Variants in PHF14 observed in about 807,000 individuals in gnomAD.
PHF14 encodes PHD finger protein 14.
Under a neutral mutation model 117.9 loss-of-function variants are expected in PHF14, and 55 were observed. The observed-to-expected ratio is 0.47, with a 90% confidence interval of 0.38 to 0.58. PHF14 has a LOEUF of 0.58. PHF14 is among the 20% of genes least tolerant of loss of function. The probability of loss-of-function intolerance (pLI) is 0.00; values close to 1 mark genes in which losing one functional copy is unlikely to be tolerated. For synonymous variants in PHF14, 409 were observed against 368.6 expected (o/e 1.11, Z -1.26); for missense variants, 978 against 1,122.2 (o/e 0.87, Z 1.84).
chr7:11,082,436 C>G (rs899064055), intron 16 of PHF14, among the ~76,000 whole-genome samples: 1 of 152,176 alleles, frequency 6.6e-6, no homozygotes, highest in African/African-American at 2.4e-5. Flanking sequence ...TTTGTCTATC[C>G]TAAATTAGCA....
intron 17 of PHF14, among the ~76,000 whole-genome samples, chr7:11,138,028 G>T (rs1750202220): frequency 1.4e-5 from 2 of 146,772 alleles, no homozygotes; most frequent in African/African-American, 5.1e-5. Flanking sequence ...TGAGGAAACA[G>T]GGAAAAATAC....
At chr7:11,107,989 AG>A (rs1236437014) in intron 16 of PHF14, 1 of 151,918 alleles carries the variant, frequency 6.6e-6, no homozygotes, top group East Asian at 1.9e-4. Flanking sequence ...AACATAGCTC[AG>A]GGTTTGTTGG....
chr7:11,073,819 A>G (rs1267519960), intron 16 of PHF14, among the ~76,000 whole-genome samples: 6 of 152,258 alleles, frequency 3.9e-5, no homozygotes, highest in East Asian at 1.9e-4. Context: ...TCACTCTCGC[A>G]TTCTGTGCAC....
chr7:11,078,798 A>G (rs577919196), intron 16 of PHF14, among the ~76,000 whole-genome samples: 22 of 152,262 alleles, frequency 1.4e-4, no homozygotes, highest in Middle Eastern at 3.4e-3. Context: ...ACTAATTGAG[A>G]TAAGTTTGTA....
At chr7:10,992,030 C>A in intron 4 of PHF14, among the ~76,000 whole-genome samples, 1 of 151,402 alleles carries the variant, frequency 6.6e-6, no homozygotes. Flanking sequence ...TATATTCTAT[C>A]AATTTTTTGT....
intron 7 of PHF14, among the ~76,000 whole-genome samples, chr7:11,033,787 T>A (rs1285582353): frequency 6.6e-6 from 1 of 152,200 alleles, no homozygotes; most frequent in Non-Finnish European, 1.5e-5. Flanking sequence ...ATCTGGGTAT[T>A]TGGGCTGAGG....
chr7:11,004,082 T>C lies in PHF14; in HGVS notation c.1046-9665T>C, dbSNP rs117665999. On this transcript the variant is annotated intron_variant, in intron 4 of 17. Coordinates refer to ENST00000634607, the MANE Select transcript of PHF14 (RefSeq NM_001007157.2). ...GGGCAATGTGGTGAAACCCTGTCTC[T>C]ACAAAATACAGAAAAATCAGCCAGG... Among the ~76,000 whole-genome samples the C allele has an allele frequency of 8.6e-4, 130 of 151,816 alleles. 3 individuals carry two copies. In the East Asian group the frequency reaches 0.024, roughly 28 times the overall value.
chr7:10,983,256 C>A lies in PHF14; in HGVS notation c.900+97C>A, dbSNP rs1782105035. 7.3e-6 allele frequency: 10 copies of A among 1,366,590 alleles called. No homozygotes were observed. The East Asian group carries it at 2.3e-4, about 32-fold the overall frequency. The allele number at this position is 1,366,590 out of a possible 1,614,324, so 84.7% of individuals were successfully genotyped here. A position where few individuals can be genotyped will look rare whatever the true frequency, so the allele number is the denominator to read the frequency against. On this transcript the variant is annotated intron_variant, in intron 3 of 17. Transcript: ENST00000634607. ...TGTATTAAGTGGCTTCCTTGAAATCCTATTTATAGACGGCTGTGGGATGAA... is the reference window on the plus strand; with the variant it reads ...TGTATTAAGTGGCTTCCTTGAAATCATATTTATAGACGGCTGTGGGATGAA...
chr7:10,985,638 GTTTTTTTTTTTTTTTTTTT>G (rs61250143), intron 3 of PHF14, among the ~76,000 whole-genome samples: 5 of 45,936 alleles, frequency 1.1e-4, no homozygotes, highest in East Asian at 7.6e-4. Context: ...TTCTCAAACT[GTTTTTTTTTTTTTTTTTTT>G]TTTTTTTTTT....
At chr7:11,111,323 C>A in intron 16 of PHF14, 27 bp from the exon 17 acceptor site, 1 of 1,075,618 alleles carries the variant, frequency 9.3e-7, no homozygotes, top group Non-Finnish European at 1.4e-6. Context: ...TTAGATACAC[C>A]TACCTATAAA....
intron 16 of PHF14, among the ~76,000 whole-genome samples, chr7:11,077,872 A>G (rs946617253): frequency 7.2e-5 from 11 of 152,192 alleles, no homozygotes; most frequent in Non-Finnish European, 1.2e-4. Flanking sequence ...GAATCTTCAT[A>G]AAATAAATGT....
At chr7:11,104,004 T>G in intron 16 of PHF14, 28 of 985,086 alleles carry the variant, frequency 2.8e-5, no homozygotes, top group Non-Finnish European at 3.4e-5. Context: ...GAACTCTGGC[T>G]GCTTTTAAGC....
intron 13 of PHF14, among the ~76,000 whole-genome samples, chr7:11,043,504 G>A (rs1026803345): frequency 1.3e-5 from 2 of 152,086 alleles, no homozygotes; most frequent in Admixed American, 6.6e-5. Context: ...TCCAGTTTTA[G>A]AAAAGAGTGA....
intron 4 of PHF14, among the ~76,000 whole-genome samples, chr7:10,995,567 T>G (rs1483815657): frequency 6.6e-6 from 1 of 152,052 alleles, no homozygotes; most frequent in Non-Finnish European, 1.5e-5. Flanking sequence ...CCTCAGCCCT[T>G]GGGTGGTCGA....
intron 17 of PHF14, among the ~76,000 whole-genome samples, chr7:11,133,782 A>G (rs936765388): frequency 2.0e-5 from 3 of 152,026 alleles, no homozygotes; most frequent in African/African-American, 7.2e-5. Context: ...TATTGCACAT[A>G]TTACATCATA....
At chr7:11,108,238 C>T (rs368038117) in intron 16 of PHF14, 2 of 151,610 alleles carry the variant, frequency 1.3e-5, no homozygotes, top group African/African-American at 4.8e-5. Context: ...AAGATAGAAA[C>T]AACAGATTTT....
intron 16 of PHF14, among the ~76,000 whole-genome samples, chr7:11,083,516 T>G (rs1281218323): frequency 2.8e-5 from 4 of 144,968 alleles, no homozygotes; most frequent in African/African-American, 1.0e-4. Flanking sequence ...TCGCCCAGGC[T>G]GCAGTGCAGT....
rs764221357 is a variant in PHF14 at position 10,982,469 on chromosome 7, G to A, written c.210G>A (p.Leu70=). The A allele has an allele frequency of 6.3e-7, 1 of 1,587,234 alleles. No individual in the cohort carries two copies. The highest frequency in any genetic ancestry group is 8.6e-7 in the Non-Finnish European group (1 of 1,159,404). The change falls in exon 3 of 18, where the codon CTG becomes CTA. Residue 70 remains leucine (L), a synonymous_variant. Coordinates refer to ENST00000634607, the MANE Select transcript of PHF14 (RefSeq NM_001007157.2). Reference sequence around the variant, plus strand: ...AAGAAAATATTTTAGAAGAAGAACTGAATGAAGATATTAAAGTAAAAGAAG... The same window carrying A: ...AAGAAAATATTTTAGAAGAAGAACTAAATGAAGATATTAAAGTAAAAGAAG... ...DSEENILEEE[L]NEDIKVKEEQ... is the part of the protein sequence containing the mutation.
chr7:11,017,086 C>CT (rs1020948191), intron 5 of PHF14, among the ~76,000 whole-genome samples: 1 of 152,144 alleles, frequency 6.6e-6, no homozygotes, highest in Admixed American at 6.5e-5. Flanking sequence ...GGCTCTCATT[C>CT]TTTTTTATGG....
Sources: allele counts gnomAD v4.1 joint callset (sites outside exome capture counted in the v4.1 genomes callset), GRCh38; gene constraint gnomAD v4.1.1; transcripts MANE v1.5; gene names NCBI Gene and HGNC (gene_info 2026-07-23, HGNC 2026-07-21).